TET3: variants seen among roughly 807,000 people sequenced by gnomAD.
The protein encoded by TET3 is tet methylcytosine dioxygenase 3.
A neutral mutation model predicts 141.4 loss-of-function variants in TET3; 19 were observed. The ratio of observed to expected loss-of-function variants is 0.13; its 90% CI spans 0.09 to 0.20. TET3 has a LOEUF of 0.20. Ranked by LOEUF, TET3 falls within the 10% of genes least tolerant of loss-of-function variation. The pLI is 1.00. For missense variants in TET3, 1,874 were observed against 2,356.9 expected, an observed-to-expected ratio of 0.80 and a Z score of 4.24; for synonymous variants, 1,043 against 980.9, an observed-to-expected ratio of 1.06 and a Z score of -1.18.
intron 3 of TET3, among the ~76,000 whole-genome samples, chr2:74,033,207 G>T (rs890625970): frequency 6.6e-6 from 1 of 152,268 alleles, no homozygotes; most frequent in East Asian, 1.9e-4. Context: ...AAATACCTAT[G>T]ATAAATTTTG....
intron 4 of TET3, among the ~76,000 whole-genome samples, chr2:74,072,977 A>T (rs1689293713): frequency 6.6e-6 from 1 of 152,190 alleles, no homozygotes; most frequent in African/African-American, 2.4e-5. Context: ...TACGCATTTT[A>T]TGTATCCATC....
chr2:74,119,120 C>T, the TET3 span, among the ~76,000 whole-genome samples: 1 of 152,234 alleles, frequency 6.6e-6, no homozygotes, highest in African/African-American at 2.4e-5. Flanking sequence ...CTTTGGGAGG[C>T]TGAGGCGGGA....
At chr2:74,083,598 G>A (rs1209715185) in intron 6 of TET3, among the ~76,000 whole-genome samples, 1 of 152,176 alleles carries the variant, frequency 6.6e-6, no homozygotes. Flanking sequence ...GGATGTGTTT[G>A]TGCCTCTGTC....
the TET3 span, among the ~76,000 whole-genome samples, chr2:74,118,198 T>C: frequency 6.6e-6 from 1 of 152,264 alleles, no homozygotes; most frequent in African/African-American, 2.4e-5. Context: ...GTGTCTTTCA[T>C]TGTGTTTAGC....
rs150587680 is a variant in TET3, at chr2:74,017,489, G to A, written c.360+14323G>A. 5.0e-3 allele frequency among the ~76,000 whole-genome samples: 756 copies of A among 152,238 alleles called. 3 individuals are homozygous for A. Among genetic ancestry groups the A allele is most frequent in the African/African-American group, 0.017 (720 of 41,526 alleles). ...TTCCACATTTGAGTGAGAACATGTG[G>A]TATTTATCTTTCTGTCCCTGGCTTA... On this transcript the variant is annotated intron_variant, in intron 3 of 11. Transcript: ENST00000409262.
chr2:74,076,975 C>G (rs188341339), intron 5 of TET3, among the ~76,000 whole-genome samples: 19 of 152,320 alleles, frequency 1.2e-4, no homozygotes, highest in African/African-American at 4.3e-4. Context: ...TTGTGGGTAC[C>G]TAGGTCCTTA....
At chr2:73,991,937 T>TA (rs1169117895) in intron 2 of TET3, among the ~76,000 whole-genome samples, 1 of 150,532 alleles carries the variant, frequency 6.6e-6, no homozygotes, top group African/African-American at 2.5e-5. Flanking sequence ...TGTTCTCTAG[T>TA]GAGTGAGGGG....
chr2:74,020,890 C>T (rs1257524731), intron 3 of TET3, among the ~76,000 whole-genome samples: 1 of 152,170 alleles, frequency 6.6e-6, no homozygotes, highest in Non-Finnish European at 1.5e-5. Flanking sequence ...TTTGCTTGAC[C>T]GCAGCAGTAA....
intron 6 of TET3, among the ~76,000 whole-genome samples, chr2:74,082,714 C>T (rs1573879078): frequency 6.6e-6 from 1 of 152,220 alleles, no homozygotes; most frequent in East Asian, 1.9e-4. Flanking sequence ...ACACAGCTGC[C>T]AAATACCCTA....
chr2:73,985,404 C>T (rs1160253564), intron 1 of TET3, among the ~76,000 whole-genome samples: 6 of 143,830 alleles, frequency 4.2e-5, no homozygotes, highest in East Asian at 2.1e-4. Context: ...CAAAGGAGCC[C>T]GAGCGGCGGC....
chr2:74,109,727 C>T (rs1691658103), downstream of TET3, among the ~76,000 whole-genome samples: 1 of 152,186 alleles, frequency 6.6e-6, no homozygotes, highest in Non-Finnish European at 1.5e-5. Context: ...ACCGTGCCCC[C>T]GTCTGTTCAC....
rs201185906 is a variant in TET3 at position 74,101,314 on chromosome 2, G to A, written c.4526G>A (p.Arg1509Gln). 354 of 1,613,460 alleles carry A rather than the reference G, an allele frequency of 2.2e-4. 1 individual carries two copies. In the African/African-American group the frequency reaches 4.4e-3, roughly 20 times the overall value. ...QAASHSGGRL[R>Q]GKPWSPCKFG... ...GCTTCCCACTCTGGAGGACGGCTGC[G>A]AGGCAAACCGTGGAGCCCCTGCAAG... is the stretch of plus-strand genomic sequence containing the variant. The change falls in exon 12 of 12, where the codon CGA becomes CAA. Residue 1509 changes from arginine to glutamine, a missense_variant. By Grantham distance (43) the Arg-to-Gln change is conservative. Around this residue, in one of 10 missense-constraint regions of TET3, gnomAD observed 602 missense variants for 590.2 expected, o/e 1.02. Coordinates refer to ENST00000409262, the MANE Select transcript of TET3 (RefSeq NM_001287491.2). This position sits in a 1 kb window ranked among gnomAD's most constrained non-coding sequence, Gnocchi z 8.5.
In TET3 at chr2:74,107,734, A is replaced by G. The variant is rs1410115274; in HGVS notation, c.*5558A>G. ...GTTACTTGGCTTCCAATGGAGGTGA[A>G]CTTAACAACCATACTTGAATATTCC... is the stretch of plus-strand genomic sequence containing the variant. On this transcript the variant is annotated 3_prime_UTR_variant, in exon 12 of 12. Coordinates refer to ENST00000409262, the MANE Select transcript of TET3 (RefSeq NM_001287491.2). 1 of 152,192 alleles carries G rather than the reference A, an allele frequency of 6.6e-6. No homozygotes were observed. Among genetic ancestry groups the G allele is most frequent in the African/African-American group, 2.4e-5 (1 of 41,440 alleles). The allele number at this position is 152,192 out of a possible 1,614,324, so 9.4% of individuals were successfully genotyped here.
intron 3 of TET3, among the ~76,000 whole-genome samples, chr2:74,006,481 A>G (rs543226807): frequency 3.8e-4 from 58 of 152,340 alleles, no homozygotes; most frequent in African/African-American, 1.3e-3. Context: ...TCCTGTCCAC[A>G]GTGGTGCAGG....
chr2:74,004,693 T>C (rs1685059883), intron 3 of TET3, among the ~76,000 whole-genome samples: 1 of 152,116 alleles, frequency 6.6e-6, no homozygotes, highest in African/African-American at 2.4e-5. Flanking sequence ...CAGAGGGCAG[T>C]TGATACGGGC....
At chr2:74,071,365 G>C (rs1209216058) in intron 4 of TET3, among the ~76,000 whole-genome samples, 1 of 152,224 alleles carries the variant, frequency 6.6e-6, no homozygotes, top group African/African-American at 2.4e-5. Context: ...CAGTGTTGCT[G>C]TGAAAATCTT....
In TET3 at chr2:74,107,846, C is replaced by T. The variant is rs1423750592; in HGVS notation, c.*5670C>T. The stretch of plus-strand genomic sequence containing the variant: ...GGTAGATTTTTGCAATGTCTCAAGG[C>T]AATAGGATGTGTATTAAACTGTAGA... On this transcript the variant is annotated 3_prime_UTR_variant, in exon 12 of 12. Coordinates refer to ENST00000409262, the MANE Select transcript of TET3 (RefSeq NM_001287491.2). The T allele has an allele frequency of 6.6e-6, 1 of 152,180 alleles. No homozygotes were observed. Among genetic ancestry groups the T allele is most frequent in the Non-Finnish European group, 1.5e-5 (1 of 68,014 alleles). 9.4% of individuals were successfully genotyped at this position (152,180 alleles called of 1,614,324 possible). A position where few individuals can be genotyped will look rare whatever the true frequency, so the allele number is the denominator to read the frequency against.
At chr2:74,108,446 T>C (rs1691623967), downstream of TET3, among the ~76,000 whole-genome samples, 1 of 152,272 alleles carries the variant, frequency 6.6e-6, no homozygotes, top group Non-Finnish European at 1.5e-5. Flanking sequence ...TTCCCTTTTA[T>C]GTTTTTTTGT....
At chr2:74,080,196 T>C (rs1689728843) in intron 5 of TET3, among the ~76,000 whole-genome samples, 1 of 152,248 alleles carries the variant, frequency 6.6e-6, no homozygotes, top group Non-Finnish European at 1.5e-5. Context: ...TTCAGTTCCC[T>C]TCTGGAGTTC....
Sources: allele counts gnomAD v4.1 joint callset (sites outside exome capture counted in the v4.1 genomes callset), GRCh38; gene constraint gnomAD v4.1.1; regional missense constraint gnomAD v4.1.1; non-coding constraint Gnocchi (gnomAD v3.1); transcripts MANE v1.5; gene names NCBI Gene and HGNC (gene_info 2026-07-23, HGNC 2026-07-21).